ACTN2: variants seen among roughly 807,000 people sequenced by gnomAD.
ACTN2 encodes alpha-actinin-2.
A neutral mutation model predicts 113.8 loss-of-function variants in ACTN2; 39 were observed. That is an observed-to-expected ratio of 0.34 (90% CI 0.27 to 0.45). ACTN2 has a LOEUF of 0.45. Ranked by LOEUF, ACTN2 falls within the 20% of genes least tolerant of loss-of-function variation. ACTN2 has a pLI of 1.00. For missense variants in ACTN2, 992 were observed against 1,177.9 expected, an observed-to-expected ratio of 0.84 and a Z score of 2.31; for synonymous variants, 429 against 444.1, an observed-to-expected ratio of 0.97 and a Z score of 0.43.
At chr1:236,698,861 T>C (rs1657594710) in intron 1 of ACTN2, among the ~76,000 whole-genome samples, 1 of 152,216 alleles carries the variant, frequency 6.6e-6, no homozygotes, top group South Asian at 2.1e-4. Flanking sequence ...ATGATTTTAC[T>C]GGATCTTCAC....
intron 19 of ACTN2, among the ~76,000 whole-genome samples, chr1:236,760,162 C>T (rs1659664122): frequency 6.6e-6 from 1 of 151,990 alleles, no homozygotes; most frequent in African/African-American, 2.4e-5. Context: ...AGGAGAATGG[C>T]TTGAACCTGG....
Position 236,753,105 on chromosome 1 carries a change from G to A in ACTN2, c.1840-842G>A, listed in dbSNP as rs140411699. ...TAGACAGGTGTATACTCTTCTGTGG[G>A]CCAACAAGGTATAAGAATCGAACTC... On this transcript the variant is annotated intron_variant, in intron 15 of 20. Transcript: ENST00000366578. Among the ~76,000 whole-genome samples the A allele has an allele frequency of 3.2e-3, 491 of 152,258 alleles. 1 individual carries two copies. Among genetic ancestry groups the A allele is most frequent in the African/African-American group, 0.011 (465 of 41,538 alleles).
chr1:236,739,319 T>C lies in ACTN2; in HGVS notation c.894T>C (p.Arg298=), dbSNP rs2102922372. 1 of 1,614,058 alleles carries C rather than the reference T, an allele frequency of 6.2e-7. No individual in the cohort carries two copies. Among genetic ancestry groups the C allele is most frequent in the Non-Finnish European group, 8.5e-7 (1 of 1,180,010 alleles). ...CGGAGCAGCTTTTGGAATGGATTCGTCGCACGATCCCCTGGCTGGAGAACC... is the reference window on the plus strand; with the variant it reads ...CGGAGCAGCTTTTGGAATGGATTCGCCGCACGATCCCCTGGCTGGAGAACC... The part of the protein sequence containing the change: ...RLASELLEWI[R]RTIPWLENRT... The change falls in exon 10 of 21, where the codon CGT becomes CGC. Residue 298 remains arginine, a synonymous_variant. Transcript: ENST00000366578.
At chr1:236,742,600 A>G (rs988755404) in intron 10 of ACTN2, among the ~76,000 whole-genome samples, 13 of 152,198 alleles carry the variant, frequency 8.5e-5, no homozygotes, top group Non-Finnish European at 1.8e-4. Context: ...TTGAGGCTTT[A>G]TCTTCTTGTA....
Position 236,686,689 on chromosome 1 carries a change from C to G in ACTN2, c.16C>G (p.Pro6Ala). Residue 6 changes from proline to alanine, a missense_variant, in exon 1 of 21, where the codon CCC (proline) becomes GCC (alanine). Transcript: ENST00000366578. MNQIEPGVQYNYVYDE... is the reference protein window; with the variant it reads MNQIEAGVQYNYVYDE... ...ACCGAGCGCCATGAACCAGATAGAGCCCGGCGTGCAGTACAACTACGTGTA... is the reference window on the plus strand; with the variant it reads ...ACCGAGCGCCATGAACCAGATAGAGGCCGGCGTGCAGTACAACTACGTGTA... 1.3e-6 allele frequency: 2 copies of G among 1,563,796 alleles called. No individual in the cohort carries two copies. The highest frequency in any genetic ancestry group is 1.7e-6 in the Non-Finnish European group (2 of 1,154,988).
chr1:236,727,575 T>G, intron 5 of ACTN2, 103 bp from the exon 6 acceptor site: 1 of 1,227,110 alleles, frequency 8.1e-7, no homozygotes, highest in South Asian at 1.2e-5. Context: ...CCTCCGTGCA[T>G]GAAGTCAGAC....
chr1:236,715,517 C>T (rs115198256), intron 1 of ACTN2, among the ~76,000 whole-genome samples: 1 of 152,144 alleles, frequency 6.6e-6, no homozygotes, highest in African/African-American at 2.4e-5. Flanking sequence ...CCATCCAATA[C>T]TACTAGCCAT....
intron 1 of ACTN2, among the ~76,000 whole-genome samples, chr1:236,694,291 C>T (rs957589534): frequency 1.3e-5 from 2 of 148,906 alleles, no homozygotes; most frequent in East Asian, 2.0e-4. Context: ...ACAATCTCGG[C>T]GGCTAACCAC....
intron 1 of ACTN2, among the ~76,000 whole-genome samples, chr1:236,716,194 C>A (rs1380054077): frequency 6.6e-6 from 1 of 151,446 alleles, no homozygotes; most frequent in Non-Finnish European, 1.5e-5. Context: ...TCTTTATCAC[C>A]CAGGAAAATC....
intron 1 of ACTN2, among the ~76,000 whole-genome samples, chr1:236,687,643 T>C (rs1558217707): frequency 6.6e-6 from 1 of 152,258 alleles, no homozygotes; most frequent in Admixed American, 6.5e-5. Context: ...TTCCGCCTAT[T>C]TTTCTGGGCG....
chr1:236,690,490 G>A (rs890463224), intron 1 of ACTN2, among the ~76,000 whole-genome samples: 2 of 152,192 alleles, frequency 1.3e-5, no homozygotes, highest in Non-Finnish European at 2.9e-5. Context: ...ATCACTAAAT[G>A]TTTCAAGTCT....
chr1:236,690,612 G>A (rs1196603906), intron 1 of ACTN2, among the ~76,000 whole-genome samples: 1 of 152,170 alleles, frequency 6.6e-6, no homozygotes. Flanking sequence ...TTTATACATT[G>A]TAAAGTGATC....
At chr1:236,692,222 T>A (rs920386255) in intron 1 of ACTN2, among the ~76,000 whole-genome samples, 1 of 152,200 alleles carries the variant, frequency 6.6e-6, no homozygotes, top group Non-Finnish European at 1.5e-5. Flanking sequence ...TTATACGAAG[T>A]ATTAAATAAC....
rs933421305 is a variant in ACTN2 at position 236,757,382 on chromosome 1, G to T, written c.2155-104G>T. On this transcript the variant is annotated intron_variant, in intron 17 of 20. Coordinates refer to ENST00000366578, the MANE Select transcript of ACTN2 (RefSeq NM_001103.4). The stretch of plus-strand genomic sequence containing the variant: ...TGTGGGGAAGGCTATCATGAGCCCT[G>T]CTTAGTAAGCCCTTTGAGTCGGCTG... 20 of 1,434,614 alleles carry T rather than the reference G, an allele frequency of 1.4e-5. No homozygotes were observed. The East Asian group carries it at 4.3e-4, about 31-fold the overall frequency. 88.9% of individuals were successfully genotyped at this position (1,434,614 alleles called of 1,614,324 possible).
At chr1:236,706,006 G>C (rs1657813569) in intron 1 of ACTN2, among the ~76,000 whole-genome samples, 1 of 152,132 alleles carries the variant, frequency 6.6e-6, no homozygotes. Context: ...CAAGTGCTGG[G>C]AGAACCATCT....
At position 236,706,668 on chromosome 1, in the gene ACTN2, C is replaced by G. The variant is rs150780534; in HGVS notation, c.127-11190C>G. 1.4e-4 allele frequency among the ~76,000 whole-genome samples: 21 copies of G among 152,302 alleles called. No homozygotes were observed. In the East Asian group the frequency reaches 3.3e-3, roughly 24 times the overall value. On this transcript the variant is annotated intron_variant, in intron 1 of 20. Coordinates refer to ENST00000366578, the MANE Select transcript of ACTN2 (RefSeq NM_001103.4). Reference sequence around the variant, plus strand: ...TGTCTATATCAATGTAACTGGAACTCAAGCTATTATTTTACTCATTACTTT... The same window carrying G: ...TGTCTATATCAATGTAACTGGAACTGAAGCTATTATTTTACTCATTACTTT...
At chr1:236,739,839 T>C (rs1278187333) in intron 10 of ACTN2, among the ~76,000 whole-genome samples, 1 of 152,134 alleles carries the variant, frequency 6.6e-6, no homozygotes, top group African/African-American at 2.4e-5. Context: ...AGCATCTAGA[T>C]CATGTGTCTT....
At chr1:236,731,809 T>G (rs1050078594) in intron 7 of ACTN2, among the ~76,000 whole-genome samples, 2 of 152,208 alleles carry the variant, frequency 1.3e-5, no homozygotes, top group East Asian at 3.8e-4. Flanking sequence ...TCACATATTG[T>G]TTTTAATTCA....
chr1:236,728,807 T>G (rs1658636239), intron 6 of ACTN2, among the ~76,000 whole-genome samples: 1 of 152,088 alleles, frequency 6.6e-6, no homozygotes, highest in Non-Finnish European at 1.5e-5. Flanking sequence ...GGCAGGAGGC[T>G]TGCTTGAGCC....
Sources: gnomAD v4.1 joint callset for allele counts (sites outside exome capture counted in the v4.1 genomes callset) on GRCh38, gnomAD v4.1.1 for gene constraint, MANE v1.5 for transcripts, NCBI Gene and HGNC (gene_info 2026-07-23, HGNC 2026-07-21) for gene names.